Variants in USP10 observed in about 807,000 individuals in gnomAD.
The protein encoded by USP10 is ubiquitin specific peptidase 10.
In USP10, 22 loss-of-function variants were observed where a neutral mutation model predicts 84.5. The observed-to-expected ratio is 0.26, with a 90% CI of 0.19 to 0.37. The LOEUF (loss-of-function observed/expected upper bound fraction) is 0.37. Ranked by LOEUF, USP10 falls within the 10% of genes least tolerant of loss-of-function variation. USP10 has a pLI of 1.00. For synonymous variants in USP10, 454 were observed against 387.6 expected (o/e 1.17, Z -2.01); for missense variants, 1,019 against 998.9 (o/e 1.02, Z -0.27).
intron 1 of USP10, among the ~76,000 whole-genome samples, chr16:84,701,945 T>C (rs1366533506): frequency 6.8e-6 from 1 of 147,678 alleles, no homozygotes; most frequent in Non-Finnish European, 1.5e-5. Context: ...TTCTTTTTTT[T>C]TTTTTTTTTG....
chr16:84,775,121 T>C, intron 12 of USP10, 39 bp from the exon 13 acceptor site: 1 of 1,596,700 alleles, frequency 6.3e-7, no homozygotes, highest in Non-Finnish European at 8.6e-7. Context: ...CCTGAACCTT[T>C]CTAAAAGTGC....
chr16:84,771,870 C>A (rs1363291083), intron 11 of USP10, among the ~76,000 whole-genome samples: 2 of 151,970 alleles, frequency 1.3e-5, no homozygotes, highest in Middle Eastern at 3.2e-3. Context: ...CTCCCTCCCC[C>A]CAAAAAAGGC....
intron 1 of USP10, among the ~76,000 whole-genome samples, chr16:84,721,049 A>G (rs1907741177): frequency 6.6e-6 from 1 of 151,840 alleles, no homozygotes; most frequent in Non-Finnish European, 1.5e-5. Flanking sequence ...GCCCGCCACC[A>G]TGCCTGACTA....
chr16:84,726,849 C>G (rs1425205944), intron 1 of USP10, among the ~76,000 whole-genome samples: 3 of 152,250 alleles, frequency 2.0e-5, no homozygotes, highest in Non-Finnish European at 2.9e-5. Context: ...CCGTCCCGCC[C>G]CTGGGCATTT....
intron 8 of USP10, among the ~76,000 whole-genome samples, chr16:84,762,711 T>G (rs1373783339): frequency 6.6e-6 from 1 of 151,972 alleles, no homozygotes; most frequent in Admixed American, 6.6e-5. Flanking sequence ...AAAAGTATAT[T>G]TATTGAAGAA....
chr16:84,729,685 G>T (rs1447308495), intron 1 of USP10, among the ~76,000 whole-genome samples: 1 of 152,138 alleles, frequency 6.6e-6, no homozygotes, highest in Non-Finnish European at 1.5e-5. Flanking sequence ...TTTAAATATT[G>T]CTGAAGTGTA....
intron 1 of USP10, among the ~76,000 whole-genome samples, chr16:84,728,304 G>T (rs1432458774): frequency 3.3e-5 from 5 of 151,792 alleles, no homozygotes; most frequent in Admixed American, 3.3e-4. Flanking sequence ...TAAATATATT[G>T]AATAAATTGA....
chr16:84,773,522 C>T (rs1284512581), intron 12 of USP10, among the ~76,000 whole-genome samples: 3 of 152,172 alleles, frequency 2.0e-5, no homozygotes, highest in African/African-American at 2.4e-5. Context: ...ACCCTAGGGG[C>T]GCCCTATACC....
chr16:84,775,288 G>C (rs1914884445), intron 13 of USP10, 63 bp downstream of exon 13: 1 of 1,546,896 alleles, frequency 6.5e-7, no homozygotes, highest in Non-Finnish European at 8.9e-7. Context: ...TTACAGCTGG[G>C]CACAGGTTTG....
At chr16:84,700,302 C>T (rs1198777440) in intron 1 of USP10, among the ~76,000 whole-genome samples, 191 bp downstream of exon 1, 1 of 151,934 alleles carries the variant, frequency 6.6e-6, no homozygotes, top group Non-Finnish European at 1.5e-5. Flanking sequence ...GTCCCCTGAG[C>T]CACCCGGACC....
chr16:84,731,115 G>T (rs1298496616), intron 1 of USP10, among the ~76,000 whole-genome samples: 1 of 151,150 alleles, frequency 6.6e-6, no homozygotes, highest in East Asian at 2.0e-4. Flanking sequence ...GAGTAGCTGG[G>T]ACTACAGGTG....
chr16:84,758,681 A>G, intron 4 of USP10, 35 bp from the exon 5 acceptor site: 3 of 1,431,368 alleles, frequency 2.1e-6, no homozygotes, highest in Non-Finnish European at 3.0e-6. Context: ...ACTAGATGTC[A>G]TCAATTTCTG....
chr16:84,738,111 G>T (rs1910172896), intron 2 of USP10, among the ~76,000 whole-genome samples: 1 of 152,186 alleles, frequency 6.6e-6, no homozygotes, highest in Non-Finnish European at 1.5e-5. Context: ...GAAGTGGATG[G>T]GTGAAGAGGT....
chr16:84,755,436 T>TCACTCCTACACGCTGCCCC (rs764381760), intron 4 of USP10, among the ~76,000 whole-genome samples: 1 of 151,788 alleles, frequency 6.6e-6, no homozygotes, highest in African/African-American at 2.4e-5. Context: ...CTTGCTGTCT[T>TCACTCCTACACGCTGCCCC]CACTCCTACA....
chr16:84,730,591 A>G (rs142906245), intron 1 of USP10, among the ~76,000 whole-genome samples: 1,590 of 152,278 alleles, frequency 0.01, 9 homozygotes, highest in Non-Finnish European at 0.017. Flanking sequence ...CCGCTGACTC[A>G]TGCTGAAGCC....
chr16:84,712,311 G>C (rs1245420777), intron 1 of USP10, among the ~76,000 whole-genome samples: 2 of 152,192 alleles, frequency 1.3e-5, no homozygotes, highest in East Asian at 3.9e-4. Flanking sequence ...TGGGGAGACT[G>C]TGCCTTATGC....
At chr16:84,769,740 C>T (rs566889544) in intron 11 of USP10, among the ~76,000 whole-genome samples, 5 of 152,242 alleles carry the variant, frequency 3.3e-5, no homozygotes, top group Non-Finnish European at 1.5e-5. Context: ...GTCAGCCTTT[C>T]CATGGGCTGC....
chr16:84,766,444 G>C (rs1913872041), intron 10 of USP10, among the ~76,000 whole-genome samples: 1 of 152,250 alleles, frequency 6.6e-6, no homozygotes, highest in Non-Finnish European at 1.5e-5. Context: ...CTGAGGTCCA[G>C]GTTGGCGCGC....
At chr16:84,714,247 T>G (rs1380840974) in intron 1 of USP10, among the ~76,000 whole-genome samples, 4 of 152,128 alleles carry the variant, frequency 2.6e-5, no homozygotes, top group Admixed American at 2.6e-4. Flanking sequence ...CTCGTTGTGG[T>G]TTGTTCATGG....
Sources: allele counts gnomAD v4.1 joint callset (sites outside exome capture counted in the v4.1 genomes callset), GRCh38; gene constraint gnomAD v4.1.1; transcripts MANE v1.5; gene names NCBI Gene and HGNC (gene_info 2026-07-23, HGNC 2026-07-21).